ME3: variants seen among roughly 807,000 people sequenced by gnomAD.
The protein encoded by ME3 is NADP-dependent malic enzyme, mitochondrial.
ME3 carries 48 observed loss-of-function variants against 68.9 expected under a neutral mutation model. The observed-to-expected ratio is 0.70, with a 90% CI of 0.55 to 0.89. The LOEUF is 0.89. Ranked by LOEUF, ME3 falls within the 40% of genes least tolerant of loss-of-function variation. ME3 has a pLI of 0.00. For missense variants in ME3, 675 were observed against 797.4 expected, an observed-to-expected ratio of 0.85 and a Z score of 1.85; for synonymous variants, 320 against 318.8, an observed-to-expected ratio of 1.00 and a Z score of -0.04.
At chr11:86,509,017 G>A in intron 4 of ME3, 150 bp from the exon 5 acceptor site, 1 of 648,698 alleles carries the variant, frequency 1.5e-6, no homozygotes, top group Non-Finnish European at 2.7e-6. Context: ...CAGTTTAGAG[G>A]GTCATCCTCT....
intron 11 of ME3, 74 bp from the exon 12 acceptor site, chr11:86,447,281 G>T (rs1188981899): frequency 1.3e-6 from 2 of 1,554,564 alleles, no homozygotes; most frequent in African/African-American, 2.7e-5. Flanking sequence ...TGGTGGTGGT[G>T]GGGGAACTAG....
At chr11:86,592,352 G>T (rs4405345) in intron 2 of ME3, among the ~76,000 whole-genome samples, 3 of 151,984 alleles carry the variant, frequency 2.0e-5, no homozygotes, top group East Asian at 1.9e-4. Flanking sequence ...TAGGCCTTGA[G>T]GGGGGGAAAT....
At chr11:86,613,944 T>C (rs1942776397) in intron 2 of ME3, among the ~76,000 whole-genome samples, 1 of 152,214 alleles carries the variant, frequency 6.6e-6, no homozygotes, top group African/African-American at 2.4e-5. Context: ...CCATTGATAT[T>C]CTTCCTAGAA....
At chr11:86,672,551 T>A (rs906377161) in exon 1 of ME3, 1 of 152,308 alleles carries the variant, frequency 6.6e-6, no homozygotes, top group African/African-American at 2.4e-5. Context: ...CACGTGGTTT[T>A]CCCCAGTGAC....
intron 2 of ME3, among the ~76,000 whole-genome samples, chr11:86,613,641 G>A (rs1942753001): frequency 6.6e-6 from 1 of 152,116 alleles, no homozygotes; most frequent in African/African-American, 2.4e-5. Context: ...CAAAATCAAT[G>A]TGCAAAAATC....
chr11:86,503,996 C>T (rs958430407), intron 5 of ME3, among the ~76,000 whole-genome samples: 10 of 152,180 alleles, frequency 6.6e-5, no homozygotes, highest in Non-Finnish European at 1.0e-4. Flanking sequence ...TGGCCTGGCC[C>T]GCCCCCTCCT....
chr11:86,552,003 G>A (rs371419298), intron 4 of ME3, among the ~76,000 whole-genome samples: 6 of 152,290 alleles, frequency 3.9e-5, no homozygotes, highest in South Asian at 4.1e-4. Context: ...AGAGTGTGGC[G>A]GTACTTCAGA....
chr11:86,598,332 G>A (rs1959915201), intron 2 of ME3, among the ~76,000 whole-genome samples: 1 of 152,222 alleles, frequency 6.6e-6, no homozygotes, highest in African/African-American at 2.4e-5. Context: ...TACGCCCACG[G>A]AGTCTCGCTC....
intron 6 of ME3, among the ~76,000 whole-genome samples, chr11:86,490,158 A>C (rs955068656): frequency 3.3e-5 from 5 of 152,174 alleles, no homozygotes; most frequent in African/African-American, 1.2e-4. Flanking sequence ...GTGTAGTTTA[A>C]GGGACAGAAA....
intron 2 of ME3, among the ~76,000 whole-genome samples, chr11:86,611,472 TGATA>T: frequency 6.6e-6 from 1 of 152,140 alleles, no homozygotes; most frequent in East Asian, 1.9e-4. Flanking sequence ...CTATGTGAGG[TGATA>T]GATATGTTAA....
downstream of ME3, among the ~76,000 whole-genome samples, chr11:86,438,938 G>A (rs115318708): frequency 4.1e-3 from 626 of 152,274 alleles, 5 homozygotes; most frequent in African/African-American, 0.015. Flanking sequence ...GGGTGAGTCA[G>A]CAAGCTGGAG....
chr11:86,465,408 A>G (rs1170319393), intron 7 of ME3, among the ~76,000 whole-genome samples: 1 of 151,922 alleles, frequency 6.6e-6, no homozygotes. Context: ...TGGGGAAGGG[A>G]GAGAGTAGGA....
chr11:86,451,269 A>G (rs558276068), intron 8 of ME3, among the ~76,000 whole-genome samples: 3 of 152,336 alleles, frequency 2.0e-5, no homozygotes, highest in Admixed American at 2.0e-4. Context: ...AAGACTGGTG[A>G]TAAGGAGGTC....
At chr11:86,436,362 C>T (rs1267553345), downstream of ME3, 1 of 151,932 alleles carries the variant, frequency 6.6e-6, no homozygotes, top group African/African-American at 2.4e-5. Flanking sequence ...TTTGAATTGT[C>T]ATCTTCTTAT....
intron 2 of ME3, among the ~76,000 whole-genome samples, chr11:86,647,747 AT>A (rs1037570168): frequency 3.5e-4 from 53 of 152,342 alleles, no homozygotes; most frequent in African/African-American, 1.2e-3. Context: ...GAGCACCCAG[AT>A]TCATAAAGCA....
intron 3 of ME3, 138 bp from the exon 4 acceptor site, chr11:86,556,840 T>A: frequency 1.2e-6 from 1 of 847,992 alleles, no homozygotes; most frequent in Non-Finnish European, 1.8e-6. Context: ...GCCCTGAGCA[T>A]GAGCTTCAAC....
chr11:86,618,719 CTT>C (rs1173272488), intron 2 of ME3, among the ~76,000 whole-genome samples: 14 of 137,320 alleles, frequency 1.0e-4, no homozygotes, highest in African/African-American at 8.0e-5. Flanking sequence ...GAGATCTGGT[CTT>C]TTTTTTTTTT....
chr11:86,521,429 A>T (rs1303664403), intron 4 of ME3, among the ~76,000 whole-genome samples: 3 of 135,166 alleles, frequency 2.2e-5, no homozygotes, highest in African/African-American at 7.9e-5. Flanking sequence ...AAAACAAAAC[A>T]AAAATAATAA....
intron 2 of ME3, among the ~76,000 whole-genome samples, chr11:86,621,591 CTCTT>C (rs1042002814): frequency 1.3e-5 from 2 of 151,764 alleles, no homozygotes; most frequent in African/African-American, 4.9e-5. Context: ...TCCTTCCTTT[CTCTT>C]TCTTTCCTAC....
Sources: gnomAD v4.1 joint callset for allele counts (sites outside exome capture counted in the v4.1 genomes callset) on GRCh38, gnomAD v4.1.1 for gene constraint, MANE v1.5 for transcripts, NCBI Gene and HGNC (gene_info 2026-07-23, HGNC 2026-07-21) for gene names.